The following NRXN1 variants were observed in gnomAD, a reference collection of about 807,000 sequenced individuals.
NRXN1 encodes the protein neurexin-1.
A neutral mutation model predicts 150.9 loss-of-function variants in NRXN1; 39 were observed. The observed-to-expected ratio is 0.26, with a 90% CI of 0.20 to 0.34. The LOEUF (loss-of-function observed/expected upper bound fraction) is 0.34. Among genes scored for constraint, NRXN1 ranks in the 10% least tolerant of loss-of-function variants. The probability of loss-of-function intolerance (pLI) is 1.00; values close to 1 mark genes in which losing one functional copy is unlikely to be tolerated. For synonymous variants in NRXN1, 924 were observed against 757.0 expected, an observed-to-expected ratio of 1.22 and a Z score of -3.62; for missense variants, 1,815 against 1,949.9, an observed-to-expected ratio of 0.93 and a Z score of 1.30.
intron 18 of NRXN1, among the ~76,000 whole-genome samples, chr2:50,117,002 G>T (rs1445635409): frequency 6.6e-6 from 1 of 151,984 alleles, no homozygotes; most frequent in Non-Finnish European, 1.5e-5. Flanking sequence ...TTTCTTAACT[G>T]AGTTACAAAA....
intron 18 of NRXN1, among the ~76,000 whole-genome samples, chr2:50,230,526 A>C (rs999197590): frequency 1.3e-5 from 2 of 152,094 alleles, no homozygotes; most frequent in Non-Finnish European, 2.9e-5. Context: ...AAATGGATAG[A>C]AAAGTACTCA....
chr2:50,239,665 T>C (rs1268678248), intron 17 of NRXN1, among the ~76,000 whole-genome samples: 2 of 7,248 alleles, frequency 2.8e-4, no homozygotes, highest in African/African-American at 2.0e-3. Context: ...TATTCCAGTA[T>C]ATATATATAT....
intron 5 of NRXN1, among the ~76,000 whole-genome samples, chr2:50,842,859 G>C (rs755680682): frequency 1.6e-4 from 25 of 152,140 alleles, no homozygotes; most frequent in Non-Finnish European, 3.4e-4. Flanking sequence ...ATCCTGGCTA[G>C]AAAATCAGGT....
chr2:50,089,044 T>C (rs748285597), intron 19 of NRXN1, among the ~76,000 whole-genome samples: 11 of 152,198 alleles, frequency 7.2e-5, no homozygotes, highest in Non-Finnish European at 1.5e-4. Context: ...CTTTTACAGA[T>C]ACATTATGCA....
chr2:50,281,439 C>A (rs376114269), intron 17 of NRXN1, among the ~76,000 whole-genome samples: 1 of 152,044 alleles, frequency 6.6e-6, no homozygotes, highest in African/African-American at 2.4e-5. Context: ...GAACAAAACC[C>A]TCTGCTTGGA....
At chr2:50,856,088 T>A (rs951948528) in intron 5 of NRXN1, among the ~76,000 whole-genome samples, 2 of 151,820 alleles carry the variant, frequency 1.3e-5, no homozygotes, top group Non-Finnish European at 2.9e-5. Context: ...ATGAGACCTT[T>A]GTAATTATGC....
At chr2:50,058,288 G>A (rs1471557226) in intron 19 of NRXN1, among the ~76,000 whole-genome samples, 1 of 152,038 alleles carries the variant, frequency 6.6e-6, no homozygotes. Flanking sequence ...AATCGAATAG[G>A]CAGTAGACAC....
At chr2:50,966,403 T>C (rs1392826910) in intron 2 of NRXN1, among the ~76,000 whole-genome samples, 2 of 151,632 alleles carry the variant, frequency 1.3e-5, no homozygotes, top group African/African-American at 2.4e-5. Context: ...CCTGTAGGTC[T>C]GGCCTGTTAC....
chr2:50,196,669 ATTTG>A (rs1161962770), intron 18 of NRXN1, among the ~76,000 whole-genome samples: 1 of 152,248 alleles, frequency 6.6e-6, no homozygotes, highest in African/African-American at 2.4e-5. Context: ...AACTAAAAAG[ATTTG>A]TTTAATATTG....
intron 21 of NRXN1, among the ~76,000 whole-genome samples, chr2:50,037,208 G>C (rs1333486428): frequency 6.6e-6 from 1 of 151,968 alleles, no homozygotes; most frequent in African/African-American, 2.4e-5. Flanking sequence ...ATATGGTTAG[G>C]TTTGAGTGTA....
chr2:50,575,135 G>T (rs538557156), intron 8 of NRXN1, among the ~76,000 whole-genome samples: 1 of 152,198 alleles, frequency 6.6e-6, no homozygotes, highest in African/African-American at 2.4e-5. Context: ...CACCTTTCTG[G>T]TGATTTGGAA....
intron 17 of NRXN1, among the ~76,000 whole-genome samples, chr2:50,343,221 G>A (rs1455896520): frequency 2.0e-5 from 3 of 152,108 alleles, no homozygotes; most frequent in Non-Finnish European, 2.9e-5. Flanking sequence ...AAATTATTGA[G>A]AGACTCTAAG....
chr2:50,747,427 C>T (rs951116901), intron 5 of NRXN1, among the ~76,000 whole-genome samples: 1 of 152,090 alleles, frequency 6.6e-6, no homozygotes, highest in Non-Finnish European at 1.5e-5. Flanking sequence ...AACCTCTCCC[C>T]ATTTGCTTAA....
Position 50,296,326 on chromosome 2 carries a change from T to C in NRXN1, c.3365-59356A>G, listed in dbSNP as rs192029114. ...TTCAAAAGCTACAGATTTCATGCAA[T>C]TGCCACAAGAGTTGTGAACAACATC... On this transcript the variant is annotated intron_variant, in intron 17 of 22. Coordinates refer to ENST00000401669, the MANE Select transcript of NRXN1 (RefSeq NM_001330078.2). Among the ~76,000 whole-genome samples the C allele has an allele frequency of 5.3e-5, 8 of 152,314 alleles. No homozygotes were observed. The East Asian group carries it at 1.5e-3, about 29-fold the overall frequency.
At chr2:50,785,439 G>A (rs1015969825) in intron 5 of NRXN1, among the ~76,000 whole-genome samples, 5 of 151,784 alleles carry the variant, frequency 3.3e-5, no homozygotes, top group Non-Finnish European at 5.9e-5. Flanking sequence ...CAGTAGAGAC[G>A]GGGTTTCACC....
At chr2:50,401,942 T>G (rs2082416209) in intron 17 of NRXN1, among the ~76,000 whole-genome samples, 1 of 152,022 alleles carries the variant, frequency 6.6e-6, no homozygotes, top group African/African-American at 2.4e-5. Flanking sequence ...GGAAGTGACC[T>G]CTCTTCCCCT....
At chr2:49,978,642 A>G (rs1895127) in intron 21 of NRXN1, among the ~76,000 whole-genome samples, 71,594 of 149,934 alleles carry the variant, frequency 0.48, 17,787 homozygotes, top group Middle Eastern at 0.63. Context: ...TAGAAATCTC[A>G]CAGAAAAACA....
intron 17 of NRXN1, among the ~76,000 whole-genome samples, chr2:50,239,898 A>T (rs1205935101): frequency 1.3e-5 from 2 of 150,802 alleles, no homozygotes; most frequent in African/African-American, 2.4e-5. Flanking sequence ...AAAGAGAAAA[A>T]TAACATCTAA....
intron 5 of NRXN1, among the ~76,000 whole-genome samples, chr2:50,825,376 C>A (rs940156111): frequency 7.9e-5 from 12 of 152,164 alleles, no homozygotes; most frequent in African/African-American, 2.9e-4. Flanking sequence ...AAGACCAAGA[C>A]AGAATTAGAG....
Sources: gnomAD v4.1 joint callset for allele counts (sites outside exome capture counted in the v4.1 genomes callset) on GRCh38, gnomAD v4.1.1 for gene constraint, MANE v1.5 for transcripts, NCBI Gene and HGNC (gene_info 2026-07-23, HGNC 2026-07-21) for gene names.